HSD17B12: variants seen among roughly 807,000 people sequenced by gnomAD.
The protein encoded by HSD17B12 is hydroxysteroid 17-beta dehydrogenase 12.
In HSD17B12, 32 loss-of-function variants were observed where a neutral mutation model predicts 39.3. The ratio of observed to expected loss-of-function variants is 0.81; its 90% CI spans 0.61 to 1.09. The LOEUF is 1.09. Among genes scored for constraint, HSD17B12 ranks in the 50% least tolerant of loss-of-function variants. The probability of loss-of-function intolerance (pLI) is 0.00; values close to 1 mark genes in which losing one functional copy is unlikely to be tolerated. For missense variants in HSD17B12, 342 were observed against 382.9 expected (o/e 0.89, Z 0.89); for synonymous variants, 150 against 146.7 (o/e 1.02, Z -0.16).
Position 43,763,869 on chromosome 11 carries a change from T to C in HSD17B12, c.283+9748T>C, listed in dbSNP as rs138531693. Reference sequence around the variant, plus strand: ...GTGATATTTGTATAGTATTTCAAGGTCAGTTAAGAATTATAGATATTATAT... The same window carrying C: ...GTGATATTTGTATAGTATTTCAAGGCCAGTTAAGAATTATAGATATTATAT... On this transcript the variant is annotated intron_variant, in intron 3 of 10. Coordinates refer to ENST00000278353, the MANE Select transcript of HSD17B12 (RefSeq NM_016142.3). Among the ~76,000 whole-genome samples, 1,000 of 152,036 alleles carry C rather than the reference T, an allele frequency of 6.6e-3. 18 individuals carry two copies. Among genetic ancestry groups the C allele is most frequent in the African/African-American group, 0.023 (938 of 41,538 alleles).
intron 1 of HSD17B12, among the ~76,000 whole-genome samples, chr11:43,690,375 TATATATATATATA>T (rs1949843964): frequency 4.4e-4 from 6 of 13,786 alleles, no homozygotes; most frequent in African/African-American, 1.7e-3. Flanking sequence ...TATATATATA[TATATATATATATA>T]TATATATATA....
At chr11:43,852,199 A>G (rs963980545) in intron 9 of HSD17B12, 4 of 152,192 alleles carry the variant, frequency 2.6e-5, no homozygotes, top group Admixed American at 1.3e-4. Context: ...GACTAGCTCT[A>G]TGGTTTAGCT....
chr11:43,787,458 C>T (rs1234248060), intron 3 of HSD17B12, among the ~76,000 whole-genome samples: 3 of 152,064 alleles, frequency 2.0e-5, no homozygotes, highest in South Asian at 2.1e-4. Flanking sequence ...AATACTTGGC[C>T]GGGCACGGTG....
At chr11:43,681,052 G>T (rs1949739353) in intron 1 of HSD17B12, 65 bp downstream of exon 1, 1 of 1,482,714 alleles carries the variant, frequency 6.7e-7, no homozygotes, top group South Asian at 1.3e-5. Context: ...GGGCCGTGAT[G>T]ACTAGTTCTG....
intron 1 of HSD17B12, among the ~76,000 whole-genome samples, chr11:43,739,085 G>A (rs1590708182): frequency 2.0e-5 from 3 of 152,170 alleles, no homozygotes; most frequent in Admixed American, 2.0e-4. Context: ...AGGTTACAAC[G>A]AGCAGTTTCA....
chr11:43,680,499 G>A, upstream of HSD17B12: 1 of 360,420 alleles, frequency 2.8e-6, no homozygotes, highest in Non-Finnish European at 5.2e-6. Flanking sequence ...CCGCAGTCGC[G>A]AGTACGGCTG....
upstream of HSD17B12, among the ~76,000 whole-genome samples, chr11:43,678,453 C>G (rs1949712461): frequency 1.3e-5 from 2 of 152,176 alleles, no homozygotes; most frequent in Non-Finnish European, 2.9e-5. Flanking sequence ...TCCCATTTGT[C>G]AATTTTGGCT....
At chr11:43,588,895 T>C in the HSD17B12 span, among the ~76,000 whole-genome samples, 1 of 151,854 alleles carries the variant, frequency 6.6e-6, no homozygotes, top group Non-Finnish European at 1.5e-5. Context: ...TGTTTCATTC[T>C]CCTTTTAATT....
In HSD17B12 at chr11:43,855,223, A is replaced by G. The variant is rs775623328; in HGVS notation, c.914A>G (p.Tyr305Cys). The change falls in exon 11 of 11, where the codon TAT becomes TGT. Residue 305 changes from tyrosine to cysteine, a missense_variant. Physicochemically the swap from Tyr to Cys is radical, Grantham distance 194 (BLOSUM62 -2). Coordinates refer to ENST00000278353, the MANE Select transcript of HSD17B12 (RefSeq NM_016142.3). ...ATGAACAAGTCTACACGGGCTCACT[A>G]TCTGAAGAAAACCAAGAAGAACTAA... ...MNMNKSTRAH[Y>C]LKKTKKN is the part of the protein sequence containing the mutation. 1.2e-6 allele frequency: 2 copies of G among 1,608,178 alleles called. No individual in the cohort carries two copies. Among genetic ancestry groups the G allele is most frequent in the Non-Finnish European group, 1.7e-6 (2 of 1,177,456 alleles).
intron 1 of HSD17B12, among the ~76,000 whole-genome samples, chr11:43,695,495 T>G (rs1336183814): frequency 6.6e-6 from 1 of 152,150 alleles, no homozygotes; most frequent in Non-Finnish European, 1.5e-5. Flanking sequence ...GGAGAATCAC[T>G]TGAACCTGGG....
intron 9 of HSD17B12, among the ~76,000 whole-genome samples, chr11:43,842,423 C>A (rs1406484078): frequency 6.6e-6 from 1 of 152,150 alleles, no homozygotes; most frequent in African/African-American, 2.4e-5. Context: ...GATGTCATAG[C>A]CACTTGGTGT....
In HSD17B12 at chr11:43,823,760, CAG is replaced by C. The variant is rs1174302503; in HGVS notation, c.502-7214_502-7213del. Among the ~76,000 whole-genome samples the C allele has an allele frequency of 2.0e-5, 3 of 151,926 alleles. No individual in the cohort carries two copies. The South Asian group carries it at 6.3e-4, about 32-fold the overall frequency. ...TAATAAATGAATGATTTTTTAAAAA[CAG>C]AAAATTCTGAACTGAAAAAACTGAA... On this transcript the variant is annotated intron_variant, in intron 6 of 10. Transcript: ENST00000278353.
At chr11:43,627,233 T>G in the HSD17B12 span, among the ~76,000 whole-genome samples, 1 of 80,438 alleles carries the variant, frequency 1.2e-5, no homozygotes, top group Non-Finnish European at 2.9e-5. Flanking sequence ...GTATTAGTCC[T>G]TGATTTTTTT....
At chr11:43,609,559 G>A in the HSD17B12 span, among the ~76,000 whole-genome samples, 1 of 151,812 alleles carries the variant, frequency 6.6e-6, no homozygotes. Context: ...GATGGGGTGG[G>A]GGGTCTTGTT....
chr11:43,824,236 C>G (rs112140305), intron 6 of HSD17B12, among the ~76,000 whole-genome samples: 1 of 152,198 alleles, frequency 6.6e-6, no homozygotes, highest in Non-Finnish European at 1.5e-5. Context: ...TACATTACCT[C>G]TCTGACCTTT....
intron 1 of HSD17B12, among the ~76,000 whole-genome samples, chr11:43,729,718 G>A (rs1022306783): frequency 5.3e-5 from 8 of 152,154 alleles, no homozygotes; most frequent in African/African-American, 1.4e-4. Flanking sequence ...CTGCCTATCC[G>A]CTGCATCTGA....
intron 3 of HSD17B12, among the ~76,000 whole-genome samples, chr11:43,777,680 G>T (rs1169171801): frequency 3.3e-5 from 5 of 152,292 alleles, no homozygotes; most frequent in Non-Finnish European, 7.3e-5. Context: ...TCCCTGTCTT[G>T]TGCCAGTTTT....
the HSD17B12 span, chr11:43,570,543 G>A: frequency 1.3e-5 from 2 of 152,218 alleles, no homozygotes; most frequent in Non-Finnish European, 1.5e-5. Flanking sequence ...GATAAACCCT[G>A]TGCTGATGAG....
chr11:43,616,458 A>G, the HSD17B12 span, among the ~76,000 whole-genome samples: 1 of 151,278 alleles, frequency 6.6e-6, no homozygotes, highest in African/African-American at 2.4e-5. Context: ...ATTCAGCATA[A>G]GTCATTTAAA....
Sources: allele counts gnomAD v4.1 joint callset (sites outside exome capture counted in the v4.1 genomes callset), GRCh38; gene constraint gnomAD v4.1.1; transcripts MANE v1.5; gene names NCBI Gene and HGNC (gene_info 2026-07-23, HGNC 2026-07-21).